GALNT2: variants seen among roughly 807,000 people sequenced by gnomAD.
GALNT2 encodes UDP-GalNAc:polypeptide N-acetylgalactosaminyltransferase 2.
In GALNT2, 31 loss-of-function variants were observed where a neutral mutation model predicts 81.4. The observed-to-expected ratio is 0.38, with a 90% CI of 0.29 to 0.51. The LOEUF (loss-of-function observed/expected upper bound fraction) is 0.51. Ranked by LOEUF, GALNT2 falls within the 20% of genes least tolerant of loss-of-function variation. GALNT2 has a pLI of 0.87. For missense variants in GALNT2, 629 were observed against 765.7 expected (o/e 0.82, Z 2.11); for synonymous variants, 303 against 287.4 (o/e 1.05, Z -0.55).
intron 1 of GALNT2, among the ~76,000 whole-genome samples, chr1:230,092,564 G>A (rs1295291223): frequency 6.6e-6 from 1 of 151,848 alleles, no homozygotes; most frequent in Non-Finnish European, 1.5e-5. Flanking sequence ...GGCTGATCTC[G>A]AACTCCTGAC....
chr1:230,081,055 G>A (rs1036252245), intron 1 of GALNT2, among the ~76,000 whole-genome samples: 1 of 152,188 alleles, frequency 6.6e-6, no homozygotes, highest in Non-Finnish European at 1.5e-5. Context: ...TGCCAGGTTT[G>A]AAGTGAACCA....
chr1:230,262,287 T>C (rs1416889704), intron 11 of GALNT2: 5 of 386,572 alleles, frequency 1.3e-5, no homozygotes, highest in South Asian at 5.7e-5. Context: ...CTTTAAAATA[T>C]TGGCTCGTGC....
At chr1:230,201,717 G>A (rs574008819) in intron 2 of GALNT2, among the ~76,000 whole-genome samples, 1 of 152,278 alleles carries the variant, frequency 6.6e-6, no homozygotes, top group Non-Finnish European at 1.5e-5. Flanking sequence ...CCAGGCTCTT[G>A]CTTGCTCCTT....
chr1:230,062,482 C>T (rs969534281), upstream of GALNT2, among the ~76,000 whole-genome samples: 14 of 152,160 alleles, frequency 9.2e-5, no homozygotes, highest in African/African-American at 1.9e-4. Context: ...ACCGAAACTC[C>T]GAACTCATAA....
At chr1:230,085,130 T>A (rs985026946) in intron 1 of GALNT2, among the ~76,000 whole-genome samples, 4 of 152,200 alleles carry the variant, frequency 2.6e-5, no homozygotes, top group African/African-American at 7.2e-5. Flanking sequence ...CTTCTGGCTC[T>A]CTTTAGCAAA....
At chr1:230,172,206 T>C (rs1662815555) in intron 1 of GALNT2, among the ~76,000 whole-genome samples, 1 of 152,156 alleles carries the variant, frequency 6.6e-6, no homozygotes, top group African/African-American at 2.4e-5. Context: ...GTGTTTCCCT[T>C]GCTCTTGTAT....
At chr1:230,235,410 G>A (rs1331489642) in intron 3 of GALNT2, among the ~76,000 whole-genome samples, 1 of 152,046 alleles carries the variant, frequency 6.6e-6, no homozygotes, top group Non-Finnish European at 1.5e-5. Context: ...CAGGCTCAGG[G>A]TCCCATTGAC....
chr1:230,070,366 G>C lies in GALNT2; in HGVS notation c.126+2960G>C, dbSNP rs1659335771. Among the ~76,000 whole-genome samples the C allele has an allele frequency of 6.6e-6, 1 of 152,156 alleles. No individual in the cohort carries two copies. The highest frequency in any genetic ancestry group is 1.5e-5 in the Non-Finnish European group (1 of 68,046). Reference sequence around the variant, plus strand: ...CCATGTTAAGTCTCCCCTGGGCTTTGGTACGTTGGCAGTGGATGGAGCCGC... The same window carrying C: ...CCATGTTAAGTCTCCCCTGGGCTTTCGTACGTTGGCAGTGGATGGAGCCGC... On this transcript the variant is annotated intron_variant, in intron 1 of 15. Coordinates refer to ENST00000366672, the MANE Select transcript of GALNT2 (RefSeq NM_004481.5). The surrounding 1 kb of genome is among the most constrained non-coding windows in gnomAD (Gnocchi z 4.7).
At chr1:230,112,377 C>T (rs1031337160) in intron 1 of GALNT2, among the ~76,000 whole-genome samples, 3 of 59,990 alleles carry the variant, frequency 5.0e-5, no homozygotes, top group Admixed American at 1.4e-4. Flanking sequence ...CCAGAGGCGC[C>T]GGGGGAGGGG....
chr1:230,151,945 A>G (rs952406734), intron 1 of GALNT2, among the ~76,000 whole-genome samples: 1 of 152,190 alleles, frequency 6.6e-6, no homozygotes, highest in Admixed American at 6.5e-5. Flanking sequence ...ACTTCCTGAC[A>G]TTGCCATGGC....
chr1:230,122,834 G>A (rs1207354306), intron 1 of GALNT2, among the ~76,000 whole-genome samples: 2 of 152,138 alleles, frequency 1.3e-5, no homozygotes, highest in African/African-American at 2.4e-5. Context: ...ATGTCTGCAC[G>A]TACTCCTGGG....
chr1:230,187,021 A>G (rs989094831), intron 2 of GALNT2, among the ~76,000 whole-genome samples: 2 of 152,198 alleles, frequency 1.3e-5, no homozygotes, highest in Non-Finnish European at 2.9e-5. Context: ...GGCACTTCCC[A>G]GTGTGTCAGT....
intron 1 of GALNT2, among the ~76,000 whole-genome samples, chr1:230,107,642 G>GTGGT (rs1553256997): frequency 9.2e-4 from 140 of 151,682 alleles, no homozygotes; most frequent in African/African-American, 3.2e-3. Flanking sequence ...GTGTGTGTGT[G>GTGGT]TGGTTGGTTG....
chr1:230,250,975 C>T (rs1665529353), intron 10 of GALNT2, among the ~76,000 whole-genome samples: 2 of 152,144 alleles, frequency 1.3e-5, no homozygotes, highest in African/African-American at 4.8e-5. Flanking sequence ...TCCGATGGGG[C>T]AGGGAGGCCT....
intron 2 of GALNT2, among the ~76,000 whole-genome samples, chr1:230,187,948 G>C (rs1390034521): frequency 2.0e-5 from 3 of 151,402 alleles, no homozygotes; most frequent in Non-Finnish European, 4.4e-5. Context: ...AAGATGGAGG[G>C]TGGGGCGGGC....
chr1:230,180,530 T>G (rs1354029947), intron 2 of GALNT2, among the ~76,000 whole-genome samples: 2 of 152,184 alleles, frequency 1.3e-5, no homozygotes, highest in Admixed American at 6.5e-5. Flanking sequence ...TGTAAAGTCT[T>G]GAAGCCGAGT....
chr1:230,168,090 G>T (rs1037129415), intron 1 of GALNT2, among the ~76,000 whole-genome samples: 5 of 152,188 alleles, frequency 3.3e-5, no homozygotes, highest in African/African-American at 1.2e-4. Context: ...CTGCAGTTGA[G>T]AGAGGGCTTT....
At chr1:230,273,357 A>C (rs1228886817) in intron 14 of GALNT2, among the ~76,000 whole-genome samples, 1 of 152,232 alleles carries the variant, frequency 6.6e-6, no homozygotes, top group Non-Finnish European at 1.5e-5. Context: ...ACAGACCGAT[A>C]GAAAGACAGA....
At chr1:230,253,387 T>G (rs142856534) in intron 10 of GALNT2, among the ~76,000 whole-genome samples, 1 of 152,164 alleles carries the variant, frequency 6.6e-6, no homozygotes, top group Non-Finnish European at 1.5e-5. Flanking sequence ...TGCCTGGCAT[T>G]CTGGGCACCT....
Sources: allele counts gnomAD v4.1 joint callset (sites outside exome capture counted in the v4.1 genomes callset), GRCh38; gene constraint gnomAD v4.1.1; non-coding constraint Gnocchi (gnomAD v3.1); transcripts MANE v1.5; gene names NCBI Gene and HGNC (gene_info 2026-07-23, HGNC 2026-07-21).